Variants in NFATC1 observed in about 807,000 individuals in gnomAD.
NFATC1 encodes the protein nuclear factor of activated T cells 1.
A neutral mutation model predicts 76.0 loss-of-function variants in NFATC1; 22 were observed. The observed-to-expected ratio is 0.29, with a 90% CI of 0.21 to 0.41. NFATC1 has a LOEUF of 0.41. Ranked by LOEUF, NFATC1 falls within the 10% of genes least tolerant of loss-of-function variation. The pLI is 1.00. For synonymous variants in NFATC1, 704 were observed against 613.1 expected, an observed-to-expected ratio of 1.15 and a Z score of -2.19; for missense variants, 1,357 against 1,337.7, an observed-to-expected ratio of 1.01 and a Z score of -0.23.
chr18:79,472,554 T>A (rs946853786), intron 8 of NFATC1, among the ~76,000 whole-genome samples: 1 of 152,200 alleles, frequency 6.6e-6, no homozygotes, highest in Non-Finnish European at 1.5e-5. Context: ...CTGCAGATGC[T>A]CAGCGGCCCC....
Position 79,474,183 on chromosome 18 carries a change from G to A in NFATC1, c.2092+6601G>A, listed in dbSNP as rs1310162351. ...GCGTGTTCTCACGCTCGCTGTCGAC[G>A]TAAACCTGAGGGAAGCGTGTTCTCA... On this transcript the variant is annotated intron_variant, in intron 8 of 9. Transcript: ENST00000427363. 8.2e-4 allele frequency among the ~76,000 whole-genome samples: 84 copies of A among 102,902 alleles called. 2 individuals are homozygous for A. Among genetic ancestry groups the A allele is most frequent in the African/African-American group, 1.8e-3 (40 of 22,114 alleles). 67.5% of individuals were successfully genotyped at this position (102,902 alleles called of 152,430 possible). A position where few individuals can be genotyped will look rare whatever the true frequency, so the allele number is the denominator to read the frequency against.
intron 8 of NFATC1, among the ~76,000 whole-genome samples, chr18:79,484,384 C>T (rs748969999): frequency 6.6e-6 from 1 of 152,082 alleles, no homozygotes; most frequent in African/African-American, 2.4e-5. Flanking sequence ...ACAATGGCCC[C>T]GTGATTTTCT....
At chr18:79,461,940 G>A (rs538730544) in intron 7 of NFATC1, among the ~76,000 whole-genome samples, 6 of 152,214 alleles carry the variant, frequency 3.9e-5, no homozygotes, top group South Asian at 2.1e-4. Flanking sequence ...CTGGACTCGC[G>A]ATTGGCCACA....
chr18:79,399,481 G>A (rs1425050650), intron 1 of NFATC1, among the ~76,000 whole-genome samples: 1 of 152,248 alleles, frequency 6.6e-6, no homozygotes, highest in Non-Finnish European at 1.5e-5. Flanking sequence ...CATGTCGGGT[G>A]TATATGGTGC....
At chr18:79,436,281 C>T (rs1359803971) in intron 3 of NFATC1, among the ~76,000 whole-genome samples, 1 of 152,214 alleles carries the variant, frequency 6.6e-6, no homozygotes, top group East Asian at 1.9e-4. Context: ...CTGCGGGCGG[C>T]TGGTCAGAGC....
At chr18:79,401,312 G>A (rs1422483095) in intron 1 of NFATC1, among the ~76,000 whole-genome samples, 1 of 152,102 alleles carries the variant, frequency 6.6e-6, no homozygotes, top group Non-Finnish European at 1.5e-5. Flanking sequence ...CCTCCGCCGA[G>A]TCTGTAATGA....
At chr18:79,501,716 A>G (rs2090019836) in intron 9 of NFATC1, among the ~76,000 whole-genome samples, 2 of 150,992 alleles carry the variant, frequency 1.3e-5, no homozygotes, top group Admixed American at 1.3e-4. Context: ...AATTATGTCT[A>G]TATGCAAGGA....
chr18:79,437,415 G>C (rs1369628154), intron 3 of NFATC1, among the ~76,000 whole-genome samples: 1 of 152,136 alleles, frequency 6.6e-6, no homozygotes, highest in Non-Finnish European at 1.5e-5. Context: ...CAGCCCCCTT[G>C]TCACCGGCTC....
intron 2 of NFATC1, among the ~76,000 whole-genome samples, chr18:79,426,301 GA>G (rs60550928): frequency 0.27 from 41,030 of 151,236 alleles, 6,711 homozygotes; most frequent in African/African-American, 0.47. Context: ...GCTTTCGGCT[GA>G]AAAAAAATCC....
At position 79,528,283 on chromosome 18, in the gene NFATC1, A is replaced by G. The variant is rs2090820043; in HGVS notation, c.*706A>G. Reference sequence around the variant, plus strand: ...CTTTGTTTTTAATCTGGCTTCGAACATAGCACAAGTAACTTGAATAGCACA... The same window carrying G: ...CTTTGTTTTTAATCTGGCTTCGAACGTAGCACAAGTAACTTGAATAGCACA... On this transcript the variant is annotated 3_prime_UTR_variant, in exon 10 of 10. Coordinates refer to ENST00000427363, the MANE Select transcript of NFATC1 (RefSeq NM_001278669.2). 1 of 208,768 alleles carries G rather than the reference A, an allele frequency of 4.8e-6. No individual in the cohort carries two copies. Among genetic ancestry groups the G allele is most frequent in the Non-Finnish European group, 9.5e-6 (1 of 105,782 alleles). 12.9% of individuals were successfully genotyped at this position (208,768 alleles called of 1,614,324 possible).
intron 9 of NFATC1, among the ~76,000 whole-genome samples, chr18:79,499,819 A>G (rs1335924123): frequency 6.6e-6 from 1 of 152,208 alleles, no homozygotes. Context: ...AGAAATTTGG[A>G]GTAGCTACAC....
chr18:79,475,393 G>A (rs1003990820), intron 8 of NFATC1, among the ~76,000 whole-genome samples: 8 of 150,556 alleles, frequency 5.3e-5, no homozygotes, highest in African/African-American at 1.5e-4. Flanking sequence ...CGAGGGAAGC[G>A]TGTTCTCACG....
intron 9 of NFATC1, among the ~76,000 whole-genome samples, chr18:79,517,102 G>A (rs984626692): frequency 1.3e-5 from 2 of 152,216 alleles, no homozygotes; most frequent in Admixed American, 1.3e-4. Context: ...ATTAGATATT[G>A]TCAAAGCTGA....
chr18:79,434,194 G>A lies in NFATC1; in HGVS notation c.1386+456G>A, dbSNP rs565073748. Reference sequence around the variant, plus strand: ...GGCACCAGGGCTCAAGGTGCTCCCCGAGGAGAGGAGGAGTGGCTTCCAGAG... The same window carrying A: ...GGCACCAGGGCTCAAGGTGCTCCCCAAGGAGAGGAGGAGTGGCTTCCAGAG... On this transcript the variant is annotated intron_variant, in intron 3 of 9. Transcript: ENST00000427363. Among the ~76,000 whole-genome samples, 80 of 152,310 alleles carry A rather than the reference G, an allele frequency of 5.3e-4. 1 individual carries two copies. Among genetic ancestry groups the A allele is most frequent in the Middle Eastern group, 3.4e-3 (1 of 294 alleles).
intron 3 of NFATC1, among the ~76,000 whole-genome samples, chr18:79,434,079 A>G (rs2086690190): frequency 6.6e-6 from 1 of 152,228 alleles, no homozygotes; most frequent in South Asian, 2.1e-4. Context: ...CAGCAGCACC[A>G]GCCTCGCCTG....
chr18:79,483,143 C>G (rs1360702896), intron 8 of NFATC1, among the ~76,000 whole-genome samples: 5 of 90,780 alleles, frequency 5.5e-5, no homozygotes. Context: ...TGACCTGGTT[C>G]CTGGGGTGTA....
At chr18:79,512,604 C>G (rs1005528976) in intron 9 of NFATC1, among the ~76,000 whole-genome samples, 1 of 152,168 alleles carries the variant, frequency 6.6e-6, no homozygotes, top group African/African-American at 2.4e-5. Context: ...CCTTGTGCTT[C>G]CCGTTTGCTG....
intron 8 of NFATC1, among the ~76,000 whole-genome samples, chr18:79,475,528 T>A (rs2089029944): frequency 6.6e-6 from 1 of 151,672 alleles, no homozygotes; most frequent in Non-Finnish European, 1.5e-5. Context: ...ATGCTCACCG[T>A]CGACACTGTA....
At chr18:79,522,593 G>T (rs566582831) in intron 9 of NFATC1, among the ~76,000 whole-genome samples, 1 of 152,122 alleles carries the variant, frequency 6.6e-6, no homozygotes, top group African/African-American at 2.4e-5. Flanking sequence ...GGCGCACACC[G>T]CAGGAAAGGA....
Sources: allele counts gnomAD v4.1 joint callset (sites outside exome capture counted in the v4.1 genomes callset), GRCh38; gene constraint gnomAD v4.1.1; transcripts MANE v1.5; gene names NCBI Gene and HGNC (gene_info 2026-07-23, HGNC 2026-07-21).